Variants in PTPRD observed in about 807,000 individuals in gnomAD.
PTPRD encodes receptor-type tyrosine-protein phosphatase delta.
A neutral mutation model predicts 214.5 loss-of-function variants in PTPRD; 34 were observed. That is an observed-to-expected ratio of 0.16 (90% CI 0.12 to 0.21). The LOEUF (loss-of-function observed/expected upper bound fraction) is 0.21, where lower values mean the gene tolerates loss of function less well. Ranked by LOEUF, PTPRD falls within the 10% of genes least tolerant of loss-of-function variation. PTPRD has a pLI of 1.00. For synonymous variants in PTPRD, 1,128 were observed against 845.7 expected (o/e 1.33, Z -5.79); for missense variants, 2,545 against 2,398.7 (o/e 1.06, Z -1.27).
At chr9:9,115,331 C>T (rs1203201595) in intron 10 of PTPRD, among the ~76,000 whole-genome samples, 1 of 151,978 alleles carries the variant, frequency 6.6e-6, no homozygotes, top group African/African-American at 2.4e-5. Flanking sequence ...CATGAACAGA[C>T]ATTTCTCAAA....
intron 20 of PTPRD, among the ~76,000 whole-genome samples, chr9:8,520,391 C>G (rs758781005): frequency 6.6e-6 from 1 of 152,024 alleles, no homozygotes; most frequent in African/African-American, 2.4e-5. Context: ...ACGTGTATTG[C>G]ATTTTCTAAG....
intron 3 of PTPRD, among the ~76,000 whole-genome samples, chr9:10,123,309 G>A (rs1182116015): frequency 6.6e-6 from 1 of 152,204 alleles, no homozygotes; most frequent in African/African-American, 2.4e-5. Flanking sequence ...CTAATAAGTG[G>A]TGTGTTAGTG....
At chr9:8,421,192 C>G (rs1180139181) in intron 35 of PTPRD, among the ~76,000 whole-genome samples, 1 of 152,118 alleles carries the variant, frequency 6.6e-6, no homozygotes, top group African/African-American at 2.4e-5. Flanking sequence ...GTGGGAGATG[C>G]AAAGAGCAAA....
chr9:9,750,848 G>C (rs1293999299), intron 6 of PTPRD, among the ~76,000 whole-genome samples: 2 of 151,882 alleles, frequency 1.3e-5, no homozygotes, highest in Non-Finnish European at 2.9e-5. Flanking sequence ...TCCTCCAAAG[G>C]CCCAAGGTTC....
chr9:9,508,141 A>G (rs2096613383), intron 8 of PTPRD, among the ~76,000 whole-genome samples: 1 of 151,556 alleles, frequency 6.6e-6, no homozygotes, highest in African/African-American at 2.4e-5. Flanking sequence ...GCTCTTCTTC[A>G]GACACACAAG....
At chr9:10,044,430 A>G (rs2097353147) in intron 3 of PTPRD, among the ~76,000 whole-genome samples, 1 of 151,746 alleles carries the variant, frequency 6.6e-6, no homozygotes, top group Admixed American at 6.6e-5. Flanking sequence ...TAAAAATTGG[A>G]TCAGACTTAG....
intron 10 of PTPRD, among the ~76,000 whole-genome samples, chr9:9,141,114 C>T (rs996800900): frequency 2.0e-5 from 3 of 151,226 alleles, no homozygotes; most frequent in African/African-American, 7.3e-5. Context: ...TCTTCCTTCT[C>T]CTCTTCTTCT....
intron 4 of PTPRD, among the ~76,000 whole-genome samples, chr9:9,965,482 A>G (rs1022174509): frequency 5.3e-5 from 8 of 152,164 alleles, no homozygotes; most frequent in African/African-American, 1.7e-4. Flanking sequence ...ATGTTAGACA[A>G]TGAGATTGAA....
chr9:9,386,367 C>G (rs924843670), intron 9 of PTPRD, among the ~76,000 whole-genome samples: 2 of 152,036 alleles, frequency 1.3e-5, no homozygotes, highest in East Asian at 1.9e-4. Flanking sequence ...TCAAATGCCT[C>G]TGGTATGTCA....
At chr9:9,369,797 AG>A in intron 9 of PTPRD, among the ~76,000 whole-genome samples, 1 of 152,304 alleles carries the variant, frequency 6.6e-6, no homozygotes, top group South Asian at 2.1e-4. Flanking sequence ...ATAAGGTGTA[AG>A]GAAGGGATCC....
intron 4 of PTPRD, among the ~76,000 whole-genome samples, chr9:10,033,367 C>G (rs529082033): frequency 6.6e-6 from 1 of 151,654 alleles, no homozygotes; most frequent in Non-Finnish European, 1.5e-5. Context: ...CAGATCTCTT[C>G]GTGGATCCTC....
chr9:9,655,725 C>A (rs1345741459), intron 7 of PTPRD, among the ~76,000 whole-genome samples: 3 of 151,936 alleles, frequency 2.0e-5, no homozygotes, highest in African/African-American at 7.3e-5. Flanking sequence ...CAACTGTAAT[C>A]CCCGCACTTT....
chr9:9,972,243 A>C (rs1052419515), intron 4 of PTPRD, among the ~76,000 whole-genome samples: 26 of 152,180 alleles, frequency 1.7e-4, no homozygotes, highest in Non-Finnish European at 3.5e-4. Flanking sequence ...ATTAAATAGC[A>C]AACATACAGT....
intron 2 of PTPRD, among the ~76,000 whole-genome samples, chr9:10,474,311 G>GA (rs34654482): frequency 0.8 from 114,697 of 143,816 alleles, 45,770 homozygotes; most frequent in East Asian, 0.92. Flanking sequence ...ATGGAAAGCA[G>GA]AAAAAAAAAA....
At chr9:10,287,778 C>G (rs992934189) in intron 3 of PTPRD, among the ~76,000 whole-genome samples, 73 of 152,030 alleles carry the variant, frequency 4.8e-4, no homozygotes, top group Non-Finnish European at 7.6e-4. Flanking sequence ...CATTAACTAG[C>G]AACTATCCCA....
intron 12 of PTPRD, among the ~76,000 whole-genome samples, chr9:8,661,309 C>G (rs943081550): frequency 6.6e-6 from 1 of 152,008 alleles, no homozygotes; most frequent in Admixed American, 6.6e-5. Flanking sequence ...ATATGATTCA[C>G]TGTTCTAAAT....
rs1169343374 is a variant in PTPRD at position 10,410,292 on chromosome 9, AAT to A, written c.-599-69277_-599-69276del. Among the ~76,000 whole-genome samples the A allele has an allele frequency of 1.0e-3, 131 of 126,150 alleles. 1 individual carries two copies. In the East Asian group the frequency reaches 0.016, roughly 16 times the overall value. 82.8% of individuals were successfully genotyped at this position (126,150 alleles called of 152,430 possible). Reference sequence around the variant, plus strand: ...ATATACACACACACACACAATATATAATATATATAATATATATATAAAACATA... The same window carrying A: ...ATATACACACACACACACAATATATAATATATAATATATATATAAAACATA... On this transcript the variant is annotated intron_variant, in intron 2 of 45. Transcript: ENST00000381196.
chr9:10,086,283 C>A (rs1220384701), intron 3 of PTPRD, among the ~76,000 whole-genome samples: 1 of 151,610 alleles, frequency 6.6e-6, no homozygotes, highest in African/African-American at 2.4e-5. Context: ...ACGACTGATC[C>A]CCCATCAGTA....
At chr9:9,766,414 C>T (rs1282286006) in intron 6 of PTPRD, among the ~76,000 whole-genome samples, 1 of 151,988 alleles carries the variant, frequency 6.6e-6, no homozygotes, top group African/African-American at 2.4e-5. Context: ...TATTTGTTCC[C>T]CCAAAACCTA....
Sources: allele counts gnomAD v4.1 joint callset (sites outside exome capture counted in the v4.1 genomes callset), GRCh38; gene constraint gnomAD v4.1.1; transcripts MANE v1.5; gene names NCBI Gene and HGNC (gene_info 2026-07-23, HGNC 2026-07-21).